DCDC2: variants seen among roughly 807,000 people sequenced by gnomAD.
DCDC2 encodes the protein doublecortin domain containing 2.
In DCDC2, 40 loss-of-function variants were observed where a neutral mutation model predicts 50.2. The observed-to-expected ratio is 0.80, with a 90% confidence interval of 0.62 to 1.04. The LOEUF (loss-of-function observed/expected upper bound fraction) is 1.04, where lower values mean the gene tolerates loss of function less well. Ranked by LOEUF, DCDC2 falls within the 50% of genes least tolerant of loss-of-function variation. The probability of loss-of-function intolerance (pLI) is 0.00; values close to 1 mark genes in which losing one functional copy is unlikely to be tolerated. For synonymous variants in DCDC2, 234 were observed against 210.6 expected (o/e 1.11, Z -0.96); for missense variants, 570 against 581.9 (o/e 0.98, Z 0.21).
chr6:24,249,089 T>C (rs2113797485), intron 7 of DCDC2, among the ~76,000 whole-genome samples: 1 of 152,284 alleles, frequency 6.6e-6, no homozygotes, highest in South Asian at 2.1e-4. Context: ...TCTTATTTAA[T>C]ATATTAAAAC....
At chr6:24,216,334 A>T (rs988047106) in intron 7 of DCDC2, among the ~76,000 whole-genome samples, 2 of 152,206 alleles carry the variant, frequency 1.3e-5, no homozygotes, top group African/African-American at 2.4e-5. Flanking sequence ...ACAGGAAAAA[A>T]AAAAGAGTAG....
chr6:24,298,862 T>C (rs942584020), intron 4 of DCDC2, among the ~76,000 whole-genome samples: 3 of 152,204 alleles, frequency 2.0e-5, no homozygotes, highest in Admixed American at 6.5e-5. Context: ...TCTATCAAAA[T>C]GTTAAAGGCA....
intron 7 of DCDC2, among the ~76,000 whole-genome samples, chr6:24,216,909 C>G (rs950780376): frequency 2.6e-5 from 4 of 152,050 alleles, no homozygotes; most frequent in Non-Finnish European, 4.4e-5. Context: ...GCTAAAATAC[C>G]AAAACAAGTT....
At chr6:24,249,850 T>C (rs760269385) in intron 7 of DCDC2, among the ~76,000 whole-genome samples, 1 of 152,198 alleles carries the variant, frequency 6.6e-6, no homozygotes, top group Non-Finnish European at 1.5e-5. Context: ...AGAAGCAATA[T>C]TATTTGAGTT....
chr6:24,181,160 A>G (rs1227835718), intron 8 of DCDC2, among the ~76,000 whole-genome samples: 1 of 152,226 alleles, frequency 6.6e-6, no homozygotes, highest in Admixed American at 6.5e-5. Context: ...TGGGTCCCTC[A>G]CAAAGGCAGA....
intron 2 of DCDC2, among the ~76,000 whole-genome samples, chr6:24,317,609 T>C (rs187790830): frequency 2.6e-5 from 4 of 151,878 alleles, no homozygotes; most frequent in African/African-American, 9.7e-5. Flanking sequence ...TAATTATGAC[T>C]CCATATCCAG....
chr6:24,358,512 T>TAAAAAAAAAAAAAAAAAAAAAAAAAA (rs966038766), upstream of DCDC2, among the ~76,000 whole-genome samples: 1 of 75,906 alleles, frequency 1.3e-5, no homozygotes, highest in African/African-American at 5.9e-5. Flanking sequence ...TCTCTACAAT[T>TAAAAAAAAAAAAAAAAAAAAAAAAAA]AAAAAAAAAA....
intron 7 of DCDC2, among the ~76,000 whole-genome samples, chr6:24,272,075 A>C (rs140477382): frequency 1.3e-3 from 197 of 152,308 alleles, no homozygotes; most frequent in Admixed American, 0.011. Context: ...AGAGGGCAGG[A>C]TATAAAAAGA....
chr6:24,267,088 T>C (rs1442782956), intron 7 of DCDC2, among the ~76,000 whole-genome samples: 1 of 152,168 alleles, frequency 6.6e-6, no homozygotes, highest in Non-Finnish European at 1.5e-5. Context: ...CATTCATTTG[T>C]GGAAGCTAAA....
At chr6:24,207,086 T>G (rs1337183090) in intron 7 of DCDC2, among the ~76,000 whole-genome samples, 1 of 152,214 alleles carries the variant, frequency 6.6e-6, no homozygotes, top group African/African-American at 2.4e-5. Flanking sequence ...GGCAGAATAT[T>G]AATTTTTCGA....
chr6:24,264,818 G>C (rs1248321515), intron 7 of DCDC2, among the ~76,000 whole-genome samples: 1 of 151,214 alleles, frequency 6.6e-6, no homozygotes, highest in Non-Finnish European at 1.5e-5. Flanking sequence ...AATAGACAAA[G>C]AGTGGCCGAA....
At chr6:24,307,009 ATTTTGACACTGATTGCCTAAACCTT>A (rs1456545164) in intron 2 of DCDC2, among the ~76,000 whole-genome samples, 1 of 152,214 alleles carries the variant, frequency 6.6e-6, no homozygotes, top group Non-Finnish European at 1.5e-5. Flanking sequence ...GGAATTCTGA[ATTTTGACACTGATTGCCTAAACCTT>A]TTTACATGAG....
At chr6:24,254,830 A>G (rs1442530384) in intron 7 of DCDC2, among the ~76,000 whole-genome samples, 1 of 93,048 alleles carries the variant, frequency 1.1e-5, no homozygotes, top group Non-Finnish European at 2.7e-5. Flanking sequence ...AATTCATACT[A>G]TAAAAAAAAA....
intron 8 of DCDC2, among the ~76,000 whole-genome samples, chr6:24,199,420 CCTGA>C (rs1374736688): frequency 6.6e-6 from 1 of 152,144 alleles, no homozygotes; most frequent in Non-Finnish European, 1.5e-5. Flanking sequence ...AGCAGAGGGG[CCTGA>C]CTGTTACAAG....
intron 2 of DCDC2, among the ~76,000 whole-genome samples, chr6:24,340,420 A>G (rs567817755): frequency 1.3e-5 from 2 of 152,354 alleles, no homozygotes; most frequent in African/African-American, 4.8e-5. Flanking sequence ...TTCATATACT[A>G]TTTGACTAAA....
rs1301060181 is a variant in DCDC2 at position 24,297,115 on chromosome 6, T to C, written c.557+4600A>G. The stretch of plus-strand genomic sequence containing the variant: ...AAGAAAAAGTGGTACATATACACCA[T>C]GGAATACTATGCAGCCATAAAAAAG... On this transcript the variant is annotated intron_variant, in intron 4 of 9. Transcript: ENST00000378454. 2.6e-5 allele frequency among the ~76,000 whole-genome samples: 4 copies of C among 151,052 alleles called. No homozygotes were observed. The East Asian group carries it at 5.8e-4, about 22-fold the overall frequency.
upstream of DCDC2, among the ~76,000 whole-genome samples, chr6:24,359,605 G>A (rs1760625925): frequency 7.8e-6 from 1 of 128,956 alleles, no homozygotes. Context: ...TTCAGAGAGA[G>A]AAAGAGAGAA....
chr6:24,277,548 G>C (rs894501910), intron 7 of DCDC2, among the ~76,000 whole-genome samples: 1 of 152,110 alleles, frequency 6.6e-6, no homozygotes, highest in African/African-American at 2.4e-5. Context: ...TCACCTGCTA[G>C]TGCAAGATGA....
chr6:24,218,914 GCTT>G lies in DCDC2; in HGVS notation c.923-13815_923-13813del, dbSNP rs145555521. Among the ~76,000 whole-genome samples, 1,305 of 152,268 alleles carry G rather than the reference GCTT, an allele frequency of 8.6e-3. 22 individuals carry two copies. The highest frequency in any genetic ancestry group is 0.029 in the African/African-American group (1,207 of 41,542). On this transcript the variant is annotated intron_variant, in intron 7 of 9. Transcript: ENST00000378454. ...TTTCATTTGAAAAGGAATAATTCTG[GCTT>G]CTTAAGTTCAACAGATGGTATCTTC...
Sources: allele counts gnomAD v4.1 joint callset (sites outside exome capture counted in the v4.1 genomes callset), GRCh38; gene constraint gnomAD v4.1.1; transcripts MANE v1.5; gene names NCBI Gene and HGNC (gene_info 2026-07-23, HGNC 2026-07-21).